CNN3: variants seen among roughly 807,000 people sequenced by gnomAD.
The protein encoded by CNN3 is calponin 3.
A neutral mutation model predicts 39.0 loss-of-function variants in CNN3; 11 were observed. The ratio of observed to expected loss-of-function variants is 0.28; its 90% confidence interval spans 0.18 to 0.47. The LOEUF (loss-of-function observed/expected upper bound fraction) is 0.47. CNN3 is among the 20% of genes least tolerant of loss of function. The pLI is 0.99. For missense variants in CNN3, 266 were observed against 403.4 expected (o/e 0.66, Z 2.92); for synonymous variants, 101 against 138.3 (o/e 0.73, Z 1.89).
Position 94,927,085 on chromosome 1 carries a change from C to G in CNN3, c.-191G>C. On this transcript the variant is annotated 5_prime_UTR_variant, in exon 1 of 7. Transcript: ENST00000370206. ...GGTCCAACTGGGTGCTACAGAGCCT[C>G]GAGCTCCGCTGCGAAGCACCCGGCT... The G allele has an allele frequency of 1.9e-6, 1 of 534,868 alleles. No individual in the cohort carries two copies. The highest frequency in any genetic ancestry group is 3.2e-6 in the Non-Finnish European group (1 of 309,544). The allele number at this position is 534,868 out of a possible 1,614,324, so 33.1% of individuals were successfully genotyped here.
At chr1:94,913,132 A>G (rs1018616773) in intron 1 of CNN3, among the ~76,000 whole-genome samples, 2 of 152,238 alleles carry the variant, frequency 1.3e-5, no homozygotes, top group Non-Finnish European at 2.9e-5. Flanking sequence ...ATCCTGCCCC[A>G]AAGTTTTAGA....
At chr1:94,906,309 A>AT (rs1442289549) in intron 1 of CNN3, among the ~76,000 whole-genome samples, 3 of 152,166 alleles carry the variant, frequency 2.0e-5, no homozygotes, top group Non-Finnish European at 4.4e-5. Flanking sequence ...TCTTGACTAT[A>AT]TTTTTACACT....
At chr1:94,925,512 A>G in intron 1 of CNN3, 1 of 757,098 alleles carries the variant, frequency 1.3e-6, no homozygotes, top group Non-Finnish European at 1.6e-6. Context: ...AAACATTTCA[A>G]CTTTAGATAC....
At chr1:94,923,389 A>G (rs764523286) in intron 1 of CNN3, among the ~76,000 whole-genome samples, 1 of 151,566 alleles carries the variant, frequency 6.6e-6, no homozygotes, top group Non-Finnish European at 1.5e-5. Context: ...TGGCCCTTTT[A>G]CTCTCTGATA....
At chr1:94,925,560 G>A (rs1671553012) in intron 1 of CNN3, 16 of 955,954 alleles carry the variant, frequency 1.7e-5, no homozygotes, top group Non-Finnish European at 1.7e-5. Flanking sequence ...AAGACAGTAT[G>A]ATGTGCAGAC....
intron 1 of CNN3, among the ~76,000 whole-genome samples, chr1:94,913,350 C>A (rs1671210053): frequency 6.6e-6 from 1 of 152,204 alleles, no homozygotes; most frequent in Non-Finnish European, 1.5e-5. Context: ...TGATCATCAC[C>A]ATACTTTATA....
intron 1 of CNN3, among the ~76,000 whole-genome samples, chr1:94,918,073 T>G (rs1269977124): frequency 6.6e-6 from 1 of 152,244 alleles, no homozygotes; most frequent in Non-Finnish European, 1.5e-5. Context: ...TGCCTGAAGA[T>G]GCTTAGACTC....
chr1:94,925,846 GC>G, intron 1 of CNN3: 1 of 983,654 alleles, frequency 1.0e-6, no homozygotes, highest in South Asian at 4.7e-5. Flanking sequence ...AGCGTTCTGT[GC>G]ACAGTTCCGC....
At chr1:94,918,430 G>T (rs1332225671) in intron 1 of CNN3, among the ~76,000 whole-genome samples, 1 of 143,854 alleles carries the variant, frequency 7.0e-6, no homozygotes, top group Non-Finnish European at 1.5e-5. Flanking sequence ...AGAGGCAGAG[G>T]TTACAACGAG....
At chr1:94,904,740 C>A (rs1199378085) in intron 1 of CNN3, among the ~76,000 whole-genome samples, 2 of 147,212 alleles carry the variant, frequency 1.4e-5, no homozygotes, top group Non-Finnish European at 3.0e-5. Context: ...GAGTGAGACC[C>A]TGTCTCCCGC....
rs143887981 is a variant in CNN3, at chr1:94,905,178, C to T, written c.58-1654G>A. ...ACATTTACGAACCTGGCCAGCTTAC[C>T]TGTAAGTCACCCAACAGTGAAAACC... On this transcript the variant is annotated intron_variant, in intron 1 of 6. Coordinates refer to ENST00000370206, the MANE Select transcript of CNN3 (RefSeq NM_001839.5). Among the ~76,000 whole-genome samples the T allele has an allele frequency of 2.0e-5, 3 of 152,252 alleles. No homozygotes were observed. The East Asian group carries it at 5.8e-4, about 29-fold the overall frequency.
intron 1 of CNN3, among the ~76,000 whole-genome samples, chr1:94,912,511 T>G (rs1271817727): frequency 6.6e-6 from 1 of 151,764 alleles, no homozygotes; most frequent in African/African-American, 2.4e-5. Flanking sequence ...AAGCAAGCAC[T>G]CAGGGAGAAG....
At position 94,908,848 on chromosome 1, in the gene CNN3, A is replaced by T. The variant is rs200753775; in HGVS notation, c.58-5324T>A. Among the ~76,000 whole-genome samples, 421 of 122,858 alleles carry T rather than the reference A, an allele frequency of 3.4e-3. 4 individuals carry two copies. The highest frequency in any genetic ancestry group is 0.024 in the South Asian group (80 of 3,272). 80.6% of individuals were successfully genotyped at this position (122,858 alleles called of 152,430 possible). On this transcript the variant is annotated intron_variant, in intron 1 of 6. Coordinates refer to ENST00000370206, the MANE Select transcript of CNN3 (RefSeq NM_001839.5). The stretch of plus-strand genomic sequence containing the variant: ...CCAATTCCAAAATAATAATTTTTTT[A>T]AAAAAATTAGGCTGGGCCAGGCATG...
At chr1:94,904,604 G>A (rs79940726) in intron 1 of CNN3, among the ~76,000 whole-genome samples, 8,942 of 152,048 alleles carry the variant, frequency 0.059, 364 homozygotes, top group African/African-American at 0.1. Flanking sequence ...AAATTCAGCT[G>A]GGCTTGACGA....
chr1:94,911,459 T>C (rs1671163021), intron 1 of CNN3, among the ~76,000 whole-genome samples: 1 of 152,126 alleles, frequency 6.6e-6, no homozygotes, highest in African/African-American at 2.4e-5. Context: ...AATATACAAA[T>C]ATTGTGAGAC....
At chr1:94,912,637 G>T (rs1194733827) in intron 1 of CNN3, among the ~76,000 whole-genome samples, 2 of 152,184 alleles carry the variant, frequency 1.3e-5, no homozygotes, top group African/African-American at 4.8e-5. Context: ...TCATGCCCAT[G>T]CCTGATACAT....
At chr1:94,908,540 G>GTTGT (rs113252372) in intron 1 of CNN3, among the ~76,000 whole-genome samples, 1 of 152,046 alleles carries the variant, frequency 6.6e-6, no homozygotes, top group Admixed American at 6.6e-5. Context: ...GTTTTTTGTT[G>GTTGT]TTGTTTGTTT....
intron 1 of CNN3, among the ~76,000 whole-genome samples, chr1:94,920,836 T>A (rs986473909): frequency 6.6e-6 from 1 of 152,188 alleles, no homozygotes; most frequent in African/African-American, 2.4e-5. Context: ...TTTTTCATAA[T>A]GAGGACCCCC....
chr1:94,901,616 G>T, intron 5 of CNN3, 53 bp downstream of exon 5: 3 of 1,254,000 alleles, frequency 2.4e-6, no homozygotes, highest in South Asian at 1.2e-5. Flanking sequence ...TTTGCATGGT[G>T]AGAATTAATC....
Sources: gnomAD v4.1 joint callset for allele counts (sites outside exome capture counted in the v4.1 genomes callset) on GRCh38, gnomAD v4.1.1 for gene constraint, MANE v1.5 for transcripts, NCBI Gene and HGNC (gene_info 2026-07-23, HGNC 2026-07-21) for gene names.